Variants in MATN2 observed in about 807,000 individuals in gnomAD.
MATN2 encodes matrilin-2.
In MATN2, 69 loss-of-function variants were observed where a neutral mutation model predicts 103.2. That is an observed-to-expected ratio of 0.67 (90% CI 0.55 to 0.82). The LOEUF (loss-of-function observed/expected upper bound fraction) is 0.82, where lower values mean the gene tolerates loss of function less well. Among genes scored for constraint, MATN2 ranks in the 40% least tolerant of loss-of-function variants. The probability of loss-of-function intolerance (pLI) is 0.00; values close to 1 mark genes in which losing one functional copy is unlikely to be tolerated. For missense variants in MATN2, 1,023 were observed against 1,211.5 expected, an observed-to-expected ratio of 0.84 and a Z score of 2.31; for synonymous variants, 429 against 450.2, an observed-to-expected ratio of 0.95 and a Z score of 0.60.
chr8:97,999,370 G>A (rs370919221), intron 7 of MATN2, among the ~76,000 whole-genome samples: 37 of 152,154 alleles, frequency 2.4e-4, no homozygotes, highest in African/African-American at 8.0e-4. Context: ...TTGAGGAACC[G>A]CCATGCTGTT....
intron 1 of MATN2, among the ~76,000 whole-genome samples, chr8:97,884,723 A>G (rs1157630134): frequency 6.6e-6 from 1 of 152,184 alleles, no homozygotes; most frequent in East Asian, 1.9e-4. Context: ...GTGAGCCAAG[A>G]TCGTGCCACT....
chr8:97,924,329 C>T (rs2130117934), intron 2 of MATN2, among the ~76,000 whole-genome samples: 1 of 152,340 alleles, frequency 6.6e-6, no homozygotes, highest in South Asian at 2.1e-4. Context: ...CTAATCCCTT[C>T]ACTCTTCCAC....
At chr8:97,957,265 T>C (rs1045346560) in intron 4 of MATN2, among the ~76,000 whole-genome samples, 1 of 152,202 alleles carries the variant, frequency 6.6e-6, no homozygotes, top group African/African-American at 2.4e-5. Flanking sequence ...GTGCTTCTTA[T>C]CCTTCAGTGA....
chr8:98,018,586 G>A (rs1234586624), intron 12 of MATN2, among the ~76,000 whole-genome samples: 1 of 152,174 alleles, frequency 6.6e-6, no homozygotes, highest in Non-Finnish European at 1.5e-5. Flanking sequence ...AAAGAAAGAG[G>A]TTTGATGGAC....
At chr8:97,964,637 A>G (rs1811426823) in intron 5 of MATN2, among the ~76,000 whole-genome samples, 1 of 151,544 alleles carries the variant, frequency 6.6e-6, no homozygotes, top group Non-Finnish European at 1.5e-5. Context: ...GTCTCCATAC[A>G]TTGTCTAGGC....
At chr8:97,920,356 C>T (rs975813172) in intron 2 of MATN2, among the ~76,000 whole-genome samples, 2 of 152,074 alleles carry the variant, frequency 1.3e-5, no homozygotes, top group African/African-American at 4.8e-5. Flanking sequence ...TAGAGGGGCA[C>T]GCCACCATGC....
Position 97,931,007 on chromosome 8 carries a change from G to T in MATN2, c.197G>T (p.Arg66Leu), listed in dbSNP as rs746126254. The change falls in exon 3 of 19, where the codon CGC becomes CTC. Residue 66 changes from arginine to leucine, a missense_variant. By Grantham distance (102) the Arg-to-Leu change is moderately radical. Coordinates refer to ENST00000254898, the MANE Select transcript of MATN2 (RefSeq NM_002380.5). This position sits in a 1 kb window ranked among gnomAD's most constrained non-coding sequence, Gnocchi z 4.1. ...ADLVFIIDSS[R>L]SVNTHDYAKV... The stretch of plus-strand genomic sequence containing the variant: ...CTGGTTTTCATCATTGACAGCTCTC[G>T]CAGTGTCAACACCCATGACTATGCA... The T allele has an allele frequency of 2.5e-6, 4 of 1,613,750 alleles. No individual in the cohort carries two copies. Among genetic ancestry groups the T allele is most frequent in the South Asian group, 1.1e-5 (1 of 91,004 alleles).
intron 5 of MATN2, among the ~76,000 whole-genome samples, chr8:97,975,258 T>C (rs189092667): frequency 6.6e-6 from 1 of 152,296 alleles, no homozygotes; most frequent in African/African-American, 2.4e-5. Flanking sequence ...TAAGGAGTGA[T>C]CAGTTAAAAG....
intron 1 of MATN2, among the ~76,000 whole-genome samples, chr8:97,872,463 T>C (rs1426393908): frequency 6.6e-6 from 1 of 152,238 alleles, no homozygotes; most frequent in Non-Finnish European, 1.5e-5. Flanking sequence ...TTCACAAACA[T>C]AGTGGCTTAA....
chr8:97,976,646 G>T (rs1811844833), intron 5 of MATN2, among the ~76,000 whole-genome samples: 1 of 151,966 alleles, frequency 6.6e-6, no homozygotes, highest in Admixed American at 6.6e-5. Flanking sequence ...ACATTGTAGG[G>T]AGTACTTTTT....
At chr8:97,891,666 T>C (rs1463320081) in intron 2 of MATN2, among the ~76,000 whole-genome samples, 1 of 152,200 alleles carries the variant, frequency 6.6e-6, no homozygotes, top group East Asian at 1.9e-4. Context: ...CAAATAACTT[T>C]TGTTTGTTTT....
At chr8:97,979,704 G>C (rs1811957936) in intron 6 of MATN2, among the ~76,000 whole-genome samples, 1 of 152,160 alleles carries the variant, frequency 6.6e-6, no homozygotes, top group South Asian at 2.1e-4. Context: ...AGGATCACTT[G>C]AGAAAAGCTT....
chr8:97,910,248 A>G (rs1819324612), intron 2 of MATN2, among the ~76,000 whole-genome samples: 1 of 151,770 alleles, frequency 6.6e-6, no homozygotes, highest in Non-Finnish European at 1.5e-5. Flanking sequence ...TTTTTGGTAG[A>G]GACGGGGTTT....
At chr8:97,937,013 T>G (rs1027057297) in intron 3 of MATN2, among the ~76,000 whole-genome samples, 13 of 152,226 alleles carry the variant, frequency 8.5e-5, no homozygotes, top group African/African-American at 2.7e-4. Context: ...AGAGTCCTGC[T>G]TTCACTGCAT....
In MATN2 at chr8:97,941,935, C is replaced by T. The variant is rs578216774; in HGVS notation, c.835+36C>T. On this transcript the variant is annotated intron_variant, in intron 4 of 18. Transcript: ENST00000254898. ...TTTGCTGATGTATTTGTGGTTTCTT[C>T]CTATTCCCTCATCCTCTCCCTTCTT... The T allele has an allele frequency of 5.0e-6, 8 of 1,606,546 alleles. No individual in the cohort carries two copies. The South Asian group carries it at 5.5e-5, about 11-fold the overall frequency.
At chr8:97,994,775 A>G (rs997528283) in intron 7 of MATN2, among the ~76,000 whole-genome samples, 173 bp downstream of exon 7, 2 of 152,028 alleles carry the variant, frequency 1.3e-5, no homozygotes, top group Non-Finnish European at 2.9e-5. Flanking sequence ...TATGTGGATG[A>G]TTTTTAAATA....
At chr8:98,026,259 T>A (rs1813804280) in intron 13 of MATN2, among the ~76,000 whole-genome samples, 1 of 150,732 alleles carries the variant, frequency 6.6e-6, no homozygotes, top group South Asian at 2.1e-4. Context: ...TAATTTTGTT[T>A]TTTTTTTTTT....
At chr8:97,925,221 A>G (rs372676376) in intron 2 of MATN2, among the ~76,000 whole-genome samples, 1 of 152,306 alleles carries the variant, frequency 6.6e-6, no homozygotes, top group East Asian at 1.9e-4. Context: ...AACACTCAGT[A>G]GTGTATGAAT....
chr8:97,876,137 G>A (rs559073118), intron 1 of MATN2, among the ~76,000 whole-genome samples: 19 of 150,910 alleles, frequency 1.3e-4, no homozygotes, highest in South Asian at 1.0e-3. Flanking sequence ...TCAGCCTCCC[G>A]AGTAGCTGAG....
Sources: gnomAD v4.1 joint callset for allele counts (sites outside exome capture counted in the v4.1 genomes callset) on GRCh38, gnomAD v4.1.1 for gene constraint, Gnocchi (gnomAD v3.1) non-coding constraint, MANE v1.5 for transcripts, NCBI Gene and HGNC (gene_info 2026-07-23, HGNC 2026-07-21) for gene names.